The following SYNRG variants were observed in gnomAD, a reference collection of about 807,000 sequenced individuals.
SYNRG encodes the protein synergin gamma, also known as AP1 gamma subunit binding protein 1.
In SYNRG, 37 loss-of-function variants were observed where a neutral mutation model predicts 130.9. The observed-to-expected ratio is 0.28, with a 90% CI of 0.22 to 0.37. SYNRG has a LOEUF of 0.37. SYNRG is among the 10% of genes least tolerant of loss of function. SYNRG has a pLI of 1.00. For missense variants in SYNRG, 1,338 were observed against 1,588.9 expected, an observed-to-expected ratio of 0.84 and a Z score of 2.68; for synonymous variants, 539 against 568.1, an observed-to-expected ratio of 0.95 and a Z score of 0.73.
At chr17:37,527,948 C>T (rs2056153436) in intron 19 of SYNRG, among the ~76,000 whole-genome samples, 2 of 152,214 alleles carry the variant, frequency 1.3e-5, no homozygotes, top group African/African-American at 4.8e-5. Context: ...GCACTACATT[C>T]TGTGACTTTC....
At chr17:37,605,111 G>T (rs1232891851) in intron 1 of SYNRG, among the ~76,000 whole-genome samples, 1 of 152,156 alleles carries the variant, frequency 6.6e-6, no homozygotes, top group Non-Finnish European at 1.5e-5. Context: ...AAATTGCGCG[G>T]ATAAACTTGC....
intron 1 of SYNRG, among the ~76,000 whole-genome samples, chr17:37,607,955 C>CAAAAAAAAAAAAAAAAAAAAAAAAAAAAA (rs67822733): frequency 9.8e-5 from 5 of 51,120 alleles, no homozygotes; most frequent in Admixed American, 5.8e-4. Context: ...GACTTCCTCT[C>CAAAAAAAAAAAAAAAAAAAAAAAAAAAAA]AAAAAAAAAA....
chr17:37,551,769 G>A lies in SYNRG; in HGVS notation c.2608+1346C>T, dbSNP rs142469405. On this transcript the variant is annotated intron_variant, in intron 14 of 21. Transcript: ENST00000612223. ...ACAGAGCACTTTGCAACCAACTGCT[G>A]TGGTTCAAGCAGCTCATAAAAAAAA... Among the ~76,000 whole-genome samples, 46 of 150,628 alleles carry A rather than the reference G, an allele frequency of 3.1e-4. No individual in the cohort carries two copies. The East Asian group carries it at 8.4e-3, about 28-fold the overall frequency.
intron 19 of SYNRG, among the ~76,000 whole-genome samples, chr17:37,530,305 C>T (rs2056487913): frequency 6.6e-6 from 1 of 152,136 alleles, no homozygotes; most frequent in African/African-American, 2.4e-5. Flanking sequence ...GTATCTACTC[C>T]TATGATGATA....
intron 13 of SYNRG, among the ~76,000 whole-genome samples, chr17:37,556,432 C>T (rs902212695): frequency 6.7e-6 from 1 of 149,456 alleles, no homozygotes; most frequent in African/African-American, 2.5e-5. Flanking sequence ...GCCTGGGCAA[C>T]AAGAGCAAAA....
In SYNRG at chr17:37,570,766, A is replaced by G. The variant is rs1247535910; in HGVS notation, c.1218T>C (p.Pro406=). Residue 406 remains proline, a synonymous_variant, in exon 10 of 22, where the codon CCT becomes CCC. Transcript: ENST00000612223. ...PTPVSQPTVI[P]SGPAGSMPLS... ...GGGGCATGGAGCCCGCAGGACCTGAAGGTATCACAGTTGGCTGACTCACCG... is the reference window on the plus strand; with the variant it reads ...GGGGCATGGAGCCCGCAGGACCTGAGGGTATCACAGTTGGCTGACTCACCG... 6.2e-7 allele frequency: 1 copy of G among 1,614,106 alleles called. No homozygotes were observed. Among genetic ancestry groups the G allele is most frequent in the African/African-American group, 1.3e-5 (1 of 74,936 alleles).
At chr17:37,607,017 T>TA (rs1359021065) in intron 1 of SYNRG, among the ~76,000 whole-genome samples, 1 of 151,994 alleles carries the variant, frequency 6.6e-6, no homozygotes. Flanking sequence ...CATTACTCTC[T>TA]AAAAAAAATA....
chr17:37,574,400 C>T (rs1316522892), intron 8 of SYNRG, among the ~76,000 whole-genome samples: 1 of 152,056 alleles, frequency 6.6e-6, no homozygotes, highest in Admixed American at 6.6e-5. Flanking sequence ...CAAAAATGGA[C>T]AAATGGGATC....
intron 19 of SYNRG, among the ~76,000 whole-genome samples, chr17:37,528,041 C>T (rs2056166630): frequency 6.6e-6 from 1 of 152,138 alleles, no homozygotes; most frequent in African/African-American, 2.4e-5. Flanking sequence ...TTTTCAGTAA[C>T]TTAAAAGCTG....
At chr17:37,536,364 A>G (rs546160966) in intron 18 of SYNRG, 13 of 528,436 alleles carry the variant, frequency 2.5e-5, no homozygotes, top group African/African-American at 1.1e-4. Context: ...TACTGGCTAC[A>G]TGACCTTAGG....
At chr17:37,520,354 AT>A (rs1568236768) in intron 20 of SYNRG, 140 bp from the exon 21 acceptor site, 1 of 1,206,802 alleles carries the variant, frequency 8.3e-7, no homozygotes, top group East Asian at 2.4e-5. Flanking sequence ...AGCCGCGTCC[AT>A]TCCCTCCACA....
At chr17:37,586,650 G>C in intron 3 of SYNRG, 101 bp from the exon 4 acceptor site, 1 of 1,298,914 alleles carries the variant, frequency 7.7e-7, no homozygotes, top group Non-Finnish European at 1.0e-6. Flanking sequence ...ACTCTTATTT[G>C]TAAAAAATAG....
chr17:37,571,807 A>G lies in SYNRG; in HGVS notation c.1082T>C (p.Met361Thr). 6.2e-7 allele frequency: 1 copy of G among 1,610,312 alleles called. No homozygotes were observed. Among genetic ancestry groups the G allele is most frequent in the Non-Finnish European group, 8.5e-7 (1 of 1,178,818 alleles). ...TKEELYTVLA[M>T]IAVTQRGVPA... is the part of the protein sequence containing the mutation. ...ATTGTTTACCTGTGTTACCGCTATC[A>G]TGGCTAGAACGGTATAAAGTTCTTC... Residue 361 changes from methionine (M) to threonine (T), a missense_variant, in exon 9 of 22, where the codon ATG becomes ACG. This residue lies in a region of SYNRG where 1,146 missense variants were observed against 1,342.3 expected (regional missense o/e 0.85). Transcript: ENST00000612223.
At chr17:37,597,456 C>T (rs2062874975) in intron 2 of SYNRG, among the ~76,000 whole-genome samples, 1 of 152,224 alleles carries the variant, frequency 6.6e-6, no homozygotes, top group Non-Finnish European at 1.5e-5. Flanking sequence ...CTCTGGGAGC[C>T]AACTAGAAAT....
chr17:37,517,069 C>T lies in SYNRG; in HGVS notation c.*1871G>A, dbSNP rs543035980. The T allele has an allele frequency of 1.2e-4, 18 of 152,350 alleles. No homozygotes were observed. The highest frequency in any genetic ancestry group is 3.4e-4 in the African/African-American group (14 of 41,544). The allele number at this position is 152,350 out of a possible 1,614,324, so 9.4% of individuals were successfully genotyped here. On this transcript the variant is annotated 3_prime_UTR_variant, in exon 22 of 22. Transcript: ENST00000612223. ...GCCTCTACTAAAAATACAAAATTAG[C>T]TGGGCGTGGTGGTGCACGCCTGTAA...
Position 37,518,805 on chromosome 17 carries a change from G to GC in SYNRG, c.*134dup, listed in dbSNP as rs1198453854. 2 of 1,329,690 alleles carry GC rather than the reference G, an allele frequency of 1.5e-6. No individual in the cohort carries two copies. The highest frequency in any genetic ancestry group is 2.0e-6 in the Non-Finnish European group (2 of 983,584). 82.4% of individuals were successfully genotyped at this position (1,329,690 alleles called of 1,614,324 possible). Reference sequence around the variant, plus strand: ...CAGACTGGCCGTGGGGATGACGGGGGCCCCGTCCCTTGCGGTGTTCTTCAT... The same window carrying GC: ...CAGACTGGCCGTGGGGATGACGGGGGCCCCCGTCCCTTGCGGTGTTCTTCAT... On this transcript the variant is annotated 3_prime_UTR_variant, in exon 22 of 22. Coordinates refer to ENST00000612223, the MANE Select transcript of SYNRG (RefSeq NM_007247.6).
rs2058868080 is a variant in SYNRG, at chr17:37,553,551, T to C, written c.2172A>G (p.Leu724=). The change falls in exon 14 of 22, where the codon CTA becomes CTG. Residue 724 remains leucine (L), a synonymous_variant. Coordinates refer to ENST00000612223, the MANE Select transcript of SYNRG (RefSeq NM_007247.6). ...ALKEEASPVP[L]TSNVGSTVKG... ...TCACTGTGCTGCCCACGTTGCTGGT[T>C]AGAGGAACAGGACTGGCTTCCTCTT... 6.2e-7 allele frequency: 1 copy of C among 1,614,108 alleles called. No individual in the cohort carries two copies. Among genetic ancestry groups the C allele is most frequent in the African/African-American group, 1.3e-5 (1 of 74,944 alleles).
rs60928738 is a variant in SYNRG at position 37,522,134 on chromosome 17, TAC to T, written c.3667-1488_3667-1487del. Among the ~76,000 whole-genome samples, 95 of 145,090 alleles carry T rather than the reference TAC, an allele frequency of 6.5e-4. 1 individual carries two copies. In the Middle Eastern group the frequency reaches 0.01, roughly 16 times the overall value. On this transcript the variant is annotated intron_variant, in intron 19 of 21. Coordinates refer to ENST00000612223, the MANE Select transcript of SYNRG (RefSeq NM_007247.6). ...TCTTTATATGCATTATCTAATTCAC[TAC>T]ACACACACACACACACACACAATGG...
chr17:37,554,965 A>G (rs2042503625), intron 13 of SYNRG, among the ~76,000 whole-genome samples: 1 of 152,098 alleles, frequency 6.6e-6, no homozygotes, highest in South Asian at 2.1e-4. Context: ...TATTTTTTAA[A>G]TAAAATTTCT....
Sources: gnomAD v4.1 joint callset for allele counts (sites outside exome capture counted in the v4.1 genomes callset) on GRCh38, gnomAD v4.1.1 for gene constraint, gnomAD v4.1.1 regional missense constraint, MANE v1.5 for transcripts, NCBI Gene and HGNC (gene_info 2026-07-23, HGNC 2026-07-21) for gene names.